The following GRM7 variants were observed in gnomAD, a reference collection of about 807,000 sequenced individuals.
The protein encoded by GRM7 is metabotropic glutamate receptor 7.
A neutral mutation model predicts 84.5 loss-of-function variants in GRM7; 35 were observed. That is an observed-to-expected ratio of 0.41 (90% CI 0.32 to 0.55). The LOEUF is 0.55. Ranked by LOEUF, GRM7 falls within the 20% of genes least tolerant of loss-of-function variation. GRM7 has a pLI of 0.19. For missense variants in GRM7, 1,003 were observed against 1,194.6 expected (o/e 0.84, Z 2.36); for synonymous variants, 487 against 455.1 (o/e 1.07, Z -0.89).
chr3:7,119,417 C>A (rs1274176557), intron 1 of GRM7, among the ~76,000 whole-genome samples: 2 of 152,020 alleles, frequency 1.3e-5, no homozygotes, highest in African/African-American at 4.8e-5. Flanking sequence ...GTTCATGATG[C>A]CTTCTTGAGA....
intron 4 of GRM7, among the ~76,000 whole-genome samples, chr3:7,357,528 A>G (rs1693463953): frequency 6.6e-6 from 1 of 152,146 alleles, no homozygotes; most frequent in Non-Finnish European, 1.5e-5. Flanking sequence ...ATATTGAGAC[A>G]ATATTTAAAA....
rs143782534 is a variant in GRM7, at chr3:6,937,563, G to C, written c.519+75656G>C. Among the ~76,000 whole-genome samples the C allele has an allele frequency of 5.0e-3, 768 of 152,240 alleles. 4 individuals are homozygous for C. Among genetic ancestry groups the C allele is most frequent in the Non-Finnish European group, 8.5e-3 (581 of 68,020 alleles). On this transcript the variant is annotated intron_variant, in intron 1 of 9. Coordinates refer to ENST00000357716, the MANE Select transcript of GRM7 (RefSeq NM_000844.4). Reference sequence around the variant, plus strand: ...TTTGAACAAATGAAGGAATGATCCTGATTGGTAACCATTGAAAATTCTCTC... The same window carrying C: ...TTTGAACAAATGAAGGAATGATCCTCATTGGTAACCATTGAAAATTCTCTC...
At chr3:7,551,801 A>C (rs1456989506) in intron 7 of GRM7, among the ~76,000 whole-genome samples, 1 of 152,116 alleles carries the variant, frequency 6.6e-6, no homozygotes, top group Admixed American at 6.5e-5. Context: ...AGGCTCGTGT[A>C]TTAGTCCATT....
At chr3:6,920,966 G>C (rs925664847) in intron 1 of GRM7, among the ~76,000 whole-genome samples, 1 of 152,138 alleles carries the variant, frequency 6.6e-6, no homozygotes, top group African/African-American at 2.4e-5. Flanking sequence ...CAGAACCTTA[G>C]AGAAATCTAA....
intron 1 of GRM7, among the ~76,000 whole-genome samples, chr3:6,900,267 C>T (rs921958355): frequency 1.3e-5 from 2 of 152,054 alleles, no homozygotes; most frequent in African/African-American, 4.8e-5. Context: ...GAACAGCAGC[C>T]TGGAAAGTGT....
At chr3:7,527,197 T>C (rs1392393141) in intron 7 of GRM7, among the ~76,000 whole-genome samples, 1 of 152,072 alleles carries the variant, frequency 6.6e-6, no homozygotes, top group Non-Finnish European at 1.5e-5. Flanking sequence ...TTCTATGATT[T>C]ATTTCAGCAA....
At chr3:7,294,848 G>T (rs1190956202) in intron 2 of GRM7, among the ~76,000 whole-genome samples, 1 of 152,196 alleles carries the variant, frequency 6.6e-6, no homozygotes, top group Admixed American at 6.5e-5. Flanking sequence ...AGTGAATTCA[G>T]ATCTTTTCTG....
intron 2 of GRM7, among the ~76,000 whole-genome samples, chr3:7,162,280 A>G (rs1178172400): frequency 6.6e-6 from 1 of 152,168 alleles, no homozygotes; most frequent in Non-Finnish European, 1.5e-5. Flanking sequence ...AGTGGAGAAG[A>G]TGCCTGGGAA....
chr3:7,631,589 G>T (rs1697862673), intron 8 of GRM7, among the ~76,000 whole-genome samples: 1 of 152,144 alleles, frequency 6.6e-6, no homozygotes, highest in Non-Finnish European at 1.5e-5. Flanking sequence ...GGGGGAAGTG[G>T]TAAAATAAAC....
chr3:7,376,461 G>A (rs551571409), intron 4 of GRM7, among the ~76,000 whole-genome samples: 17 of 152,260 alleles, frequency 1.1e-4, no homozygotes, highest in Admixed American at 2.6e-4. Flanking sequence ...GACCTGCTCC[G>A]TAGAGACTAC....
At chr3:7,002,213 A>T (rs1695036562) in intron 1 of GRM7, among the ~76,000 whole-genome samples, 1 of 152,216 alleles carries the variant, frequency 6.6e-6, no homozygotes, top group South Asian at 2.1e-4. Flanking sequence ...GTGGTTAGCT[A>T]CGTAGGCTCT....
chr3:7,612,214 C>T (rs992324330), intron 8 of GRM7, among the ~76,000 whole-genome samples: 5 of 152,164 alleles, frequency 3.3e-5, no homozygotes, highest in African/African-American at 1.2e-4. Flanking sequence ...CAGCTCATCA[C>T]TTTTGGGTTA....
At chr3:7,056,505 AT>A (rs1697227066) in intron 1 of GRM7, among the ~76,000 whole-genome samples, 1 of 151,988 alleles carries the variant, frequency 6.6e-6, no homozygotes, top group Non-Finnish European at 1.5e-5. Context: ...ATTTTGAGAC[AT>A]TTAGGACCAC....
chr3:6,954,888 G>C (rs542525806), intron 1 of GRM7, among the ~76,000 whole-genome samples: 14 of 152,288 alleles, frequency 9.2e-5, no homozygotes, highest in Admixed American at 3.9e-4. Context: ...ATTGAGATTG[G>C]AGGGAGATGA....
chr3:7,162,406 A>T (rs1212074575), intron 2 of GRM7, among the ~76,000 whole-genome samples: 1 of 152,168 alleles, frequency 6.6e-6, no homozygotes, highest in Non-Finnish European at 1.5e-5. Context: ...AGACCAAGTA[A>T]AAAAGTGTTT....
intron 4 of GRM7, among the ~76,000 whole-genome samples, chr3:7,393,740 C>T (rs1369976086): frequency 6.6e-6 from 1 of 152,162 alleles, no homozygotes; most frequent in East Asian, 1.9e-4. Context: ...TCATTTATTT[C>T]AGACTCTTAT....
chr3:6,878,957 A>G (rs1695413001), intron 1 of GRM7, among the ~76,000 whole-genome samples: 1 of 152,214 alleles, frequency 6.6e-6, no homozygotes, highest in Non-Finnish European at 1.5e-5. Flanking sequence ...CCCATTGCTT[A>G]CAGAAAATAC....
intron 8 of GRM7, among the ~76,000 whole-genome samples, chr3:7,662,757 A>G (rs1699523622): frequency 6.6e-6 from 1 of 152,268 alleles, no homozygotes; most frequent in Non-Finnish European, 1.5e-5. Flanking sequence ...CTGCATGCAG[A>G]GTGTACAGAT....
intron 1 of GRM7, among the ~76,000 whole-genome samples, chr3:6,917,612 G>A (rs893581979): frequency 2.0e-5 from 3 of 151,042 alleles, no homozygotes; most frequent in African/African-American, 7.3e-5. Flanking sequence ...ATAATTTTGT[G>A]GCTTGGGCTA....
Sources: gnomAD v4.1 joint callset for allele counts (sites outside exome capture counted in the v4.1 genomes callset) on GRCh38, gnomAD v4.1.1 for gene constraint, MANE v1.5 for transcripts, NCBI Gene and HGNC (gene_info 2026-07-23, HGNC 2026-07-21) for gene names.